The following ELF1 variants were observed in gnomAD, a reference collection of about 807,000 sequenced individuals.
ELF1 encodes E74 like ETS transcription factor 1, also known as ETS-related transcription factor Elf-1.
Under a neutral mutation model 59.9 loss-of-function variants are expected in ELF1, and 24 were observed. The ratio of observed to expected loss-of-function variants is 0.40; its 90% CI spans 0.29 to 0.56. The LOEUF (loss-of-function observed/expected upper bound fraction) is 0.56. Ranked by LOEUF, ELF1 falls within the 20% of genes least tolerant of loss-of-function variation. ELF1 has a pLI of 0.44. For missense variants in ELF1, 627 were observed against 742.2 expected, an observed-to-expected ratio of 0.84 and a Z score of 1.80; for synonymous variants, 248 against 266.2, an observed-to-expected ratio of 0.93 and a Z score of 0.67.
chr13:41,059,958 G>GT (rs1210653159), intron 1 of ELF1, among the ~76,000 whole-genome samples: 1 of 152,208 alleles, frequency 6.6e-6, no homozygotes. Flanking sequence ...CATCAGAGTG[G>GT]TATTTTTCTC....
chr13:40,962,599 T>C (rs1566173407), intron 2 of ELF1, among the ~76,000 whole-genome samples: 1 of 149,982 alleles, frequency 6.7e-6, no homozygotes, highest in Non-Finnish European at 1.5e-5. Context: ...GGCAGGGGAA[T>C]GGCTTGAACC....
At position 40,975,777 on chromosome 13, in the gene ELF1, T is replaced by C. The variant is rs1222773226; in HGVS notation, c.72+6206A>G. Among the ~76,000 whole-genome samples the C allele has an allele frequency of 1.3e-5, 2 of 152,316 alleles. 1 individual carries two copies. The highest frequency in any genetic ancestry group is 4.1e-4 in the South Asian group (2 of 4,830). ...TATGATAAGAACCATAACTGAACAC[T>C]TATATATCCCAGATCATCTAGCAAC... On this transcript the variant is annotated intron_variant, in intron 2 of 8. Coordinates refer to ENST00000239882, the MANE Select transcript of ELF1 (RefSeq NM_172373.4).
intron 5 of ELF1, among the ~76,000 whole-genome samples, chr13:40,945,739 T>G (rs1452176208): frequency 3.3e-5 from 5 of 152,248 alleles, no homozygotes; most frequent in African/African-American, 1.2e-4. Flanking sequence ...TGTCTGTAAC[T>G]GTTTCATATT....
chr13:40,978,150 C>T (rs986118910), intron 2 of ELF1, among the ~76,000 whole-genome samples: 1 of 152,040 alleles, frequency 6.6e-6, no homozygotes, highest in African/African-American at 2.4e-5. Flanking sequence ...GAGGCCGAGG[C>T]AGGCAGATCC....
chr13:40,976,686 C>T (rs770960025), intron 2 of ELF1, among the ~76,000 whole-genome samples: 1 of 152,166 alleles, frequency 6.6e-6, no homozygotes, highest in African/African-American at 2.4e-5. Context: ...GGATTACAGG[C>T]ATGCACCATC....
intron 1 of ELF1, among the ~76,000 whole-genome samples, chr13:41,008,607 C>G (rs1437594494): frequency 1.3e-5 from 2 of 151,872 alleles, no homozygotes; most frequent in African/African-American, 4.8e-5. Context: ...AAGTACAAGA[C>G]AGACCTATGG....
rs56249931 is a variant in ELF1 at position 40,990,850 on chromosome 13, CA to C, written c.-228-8569del. 3.3e-3 allele frequency among the ~76,000 whole-genome samples: 343 copies of C among 105,530 alleles called. 5 individuals are homozygous for C. The East Asian group carries it at 0.058, about 18-fold the overall frequency. The allele number at this position is 105,530 out of a possible 152,430, so 69.2% of individuals were successfully genotyped here. On this transcript the variant is annotated intron_variant, in intron 1 of 8. Coordinates refer to ENST00000239882, the MANE Select transcript of ELF1 (RefSeq NM_172373.4). ...CTGGTGACAGAGCGAGACTCTGTCT[CA>C]AAAAAAAAAAAAAAAAAATGTGTTA...
intron 1 of ELF1, among the ~76,000 whole-genome samples, chr13:41,030,740 T>G (rs563830978): frequency 4.6e-5 from 7 of 151,488 alleles, no homozygotes; most frequent in African/African-American, 1.7e-4. Flanking sequence ...AGGAGTGAGA[T>G]TCTGTCTCAC....
chr13:40,999,611 A>G (rs938379331), intron 1 of ELF1, among the ~76,000 whole-genome samples: 2 of 152,234 alleles, frequency 1.3e-5, no homozygotes, highest in African/African-American at 4.8e-5. Flanking sequence ...ATAAAGCCCA[A>G]TGCAAGTCAT....
chr13:40,968,499 T>C (rs912476778), intron 2 of ELF1, among the ~76,000 whole-genome samples: 1 of 152,220 alleles, frequency 6.6e-6, no homozygotes, highest in Non-Finnish European at 1.5e-5. Flanking sequence ...TGGTTTCTAC[T>C]ATTTCTAAAT....
intron 3 of ELF1, among the ~76,000 whole-genome samples, chr13:40,952,682 C>T (rs1048624163): frequency 1.3e-5 from 2 of 151,854 alleles, no homozygotes; most frequent in African/African-American, 4.8e-5. Flanking sequence ...AGGTGTGAGC[C>T]GCTGCATCTG....
At chr13:41,017,815 T>G (rs532670767) in intron 1 of ELF1, among the ~76,000 whole-genome samples, 1 of 151,122 alleles carries the variant, frequency 6.6e-6, no homozygotes, top group East Asian at 1.9e-4. Context: ...AATAGAAAAG[T>G]CTTCATTAGA....
chr13:41,008,371 T>C (rs1874867128), intron 1 of ELF1, among the ~76,000 whole-genome samples: 1 of 152,164 alleles, frequency 6.6e-6, no homozygotes, highest in Admixed American at 6.6e-5. Flanking sequence ...CTAACAGCAA[T>C]TGTCACCAAT....
chr13:40,951,621 C>T (rs1315120435), intron 3 of ELF1, 185 bp from the exon 4 acceptor site: 5 of 395,138 alleles, frequency 1.3e-5, no homozygotes, highest in East Asian at 4.3e-5. Context: ...CCTGTAATCC[C>T]GCACTTTGGG....
intron 2 of ELF1, among the ~76,000 whole-genome samples, chr13:40,974,056 A>G (rs1349684245): frequency 6.6e-6 from 1 of 152,168 alleles, no homozygotes; most frequent in Non-Finnish European, 1.5e-5. Flanking sequence ...ACAGGTACAG[A>G]TTTCCCTTTG....
At chr13:41,004,248 C>A (rs1874622378) in intron 1 of ELF1, among the ~76,000 whole-genome samples, 1 of 151,794 alleles carries the variant, frequency 6.6e-6, no homozygotes, top group Non-Finnish European at 1.5e-5. Flanking sequence ...GGGGTAAATA[C>A]CTGTGAGAAC....
At chr13:41,056,515 T>C (rs1006685586) in intron 1 of ELF1, among the ~76,000 whole-genome samples, 1 of 152,228 alleles carries the variant, frequency 6.6e-6, no homozygotes, top group East Asian at 1.9e-4. Context: ...TACTGGATCA[T>C]ATGGTAACTG....
chr13:41,058,966 T>C (rs1453068274), intron 1 of ELF1, among the ~76,000 whole-genome samples: 1 of 151,634 alleles, frequency 6.6e-6, no homozygotes, highest in African/African-American at 2.4e-5. Context: ...AGAGCGAGAC[T>C]CCGTCTCAAC....
intron 2 of ELF1, among the ~76,000 whole-genome samples, chr13:40,959,617 CA>C (rs1407433691): frequency 6.6e-6 from 1 of 151,924 alleles, no homozygotes; most frequent in Non-Finnish European, 1.5e-5. Context: ...TTTGGCAAAA[CA>C]AAAAAATCTG....
Sources: allele counts gnomAD v4.1 joint callset (sites outside exome capture counted in the v4.1 genomes callset), GRCh38; gene constraint gnomAD v4.1.1; transcripts MANE v1.5; gene names NCBI Gene and HGNC (gene_info 2026-07-23, HGNC 2026-07-21).